The following SERPINB4 variants were observed in gnomAD, a reference collection of about 807,000 sequenced individuals.
SERPINB4 encodes the protein serpin B4.
A neutral mutation model predicts 33.2 loss-of-function variants in SERPINB4; 39 were observed. The observed-to-expected ratio is 1.18, with a 90% CI of 0.91 to 1.53. The LOEUF (loss-of-function observed/expected upper bound fraction) is 1.53, where lower values mean the gene tolerates loss of function less well. Ranked by LOEUF, SERPINB4 falls within the 40% of genes most tolerant of loss-of-function variation. The pLI is 0.00. For synonymous variants in SERPINB4, 191 were observed against 166.4 expected (o/e 1.15, Z -1.14); for missense variants, 564 against 455.4 (o/e 1.24, Z -2.17).
chr18:63,639,490 CTAAA>C (rs1174784542), intron 6 of SERPINB4, 140 bp downstream of exon 6: 2 of 1,031,108 alleles, frequency 1.9e-6, no homozygotes, highest in Non-Finnish European at 2.8e-6. Flanking sequence ...GTATTCCTAA[CTAAA>C]TAAAGTTATA....
intron 1 of SERPINB4, among the ~76,000 whole-genome samples, 187 bp from the exon 2 acceptor site, chr18:63,643,790 A>G (rs58471262): frequency 0.05 from 7,677 of 152,202 alleles, 645 homozygotes; most frequent in African/African-American, 0.17. Flanking sequence ...TCCTAATTAG[A>G]AGGCTTACAA....
intron 3 of SERPINB4, among the ~76,000 whole-genome samples, chr18:63,642,135 C>G (rs778184411): frequency 6.6e-6 from 1 of 152,058 alleles, no homozygotes; most frequent in Non-Finnish European, 1.5e-5. Flanking sequence ...AAAGATGCAG[C>G]GCTGTCTACC....
At chr18:63,642,875 T>C in intron 3 of SERPINB4, 1 of 397,312 alleles carries the variant, frequency 2.5e-6, no homozygotes, top group Non-Finnish European at 4.5e-6. Context: ...CGAGCAGTTG[T>C]GTCCTGCTCT....
rs754805923 is a variant in SERPINB4 at position 63,641,889 on chromosome 18, C to A, written c.223-1G>T. 5.0e-6 allele frequency: 8 copies of A among 1,612,586 alleles called. No homozygotes were observed. The African/African-American group carries it at 1.1e-4, about 22-fold the overall frequency. On this transcript the variant is annotated splice_acceptor_variant, in intron 3 of 7. Transcript: ENST00000341074. LOFTEE classifies it high-confidence loss of function. ...GATGAACATTTCCTGACCTATCAAC[C>A]TTCAAACATCAAAAAGGGAGATCAT...
chr18:63,637,894 A>T lies in SERPINB4; in HGVS notation c.998T>A (p.Phe333Tyr), dbSNP rs768662446. The T allele has an allele frequency of 3.7e-6, 6 of 1,613,490 alleles. No homozygotes were observed. The highest frequency in any genetic ancestry group is 1.7e-5 in the Admixed American group (1 of 59,854). The change falls in exon 8 of 8, where the codon TTT becomes TAT. Residue 333 changes from phenylalanine (F) to tyrosine (Y), a missense_variant. Phe to Tyr is a conservative substitution (Grantham distance 22, BLOSUM62 3). Coordinates refer to ENST00000341074, the MANE Select transcript of SERPINB4 (RefSeq NM_002974.4). ...CACTCCCTCCTCAGTGACCTCCACA[A>T]AGGCCTTGTGTAGGACTTTAGATAC... ...LSVSKVLHKAFVEVTEEGVEA... is the reference protein window; with the variant it reads ...LSVSKVLHKAYVEVTEEGVEA...
rs1158590468 is a variant in SERPINB4 at position 63,637,753 on chromosome 18, C to T, written c.1139G>A (p.Ser380Asn). 6.2e-7 allele frequency: 1 copy of T among 1,612,104 alleles called. No individual in the cohort carries two copies. Among genetic ancestry groups the T allele is most frequent in the Non-Finnish European group, 8.5e-7 (1 of 1,179,028 alleles). ...TGAGAATCTGCCATAGAAGAGGATGCTGTTGGTCTTATTTTGCCTTATGAA... is the reference window on the plus strand; with the variant it reads ...TGAGAATCTGCCATAGAAGAGGATGTTGTTGGTCTTATTTTGCCTTATGAA... Reference protein sequence around the residue: ...LFFIRQNKTNSILFYGRFSSP With the variant: ...LFFIRQNKTNNILFYGRFSSP Residue 380 changes from serine (S) to asparagine (N), a missense_variant, in exon 8 of 8, where the codon AGC becomes AAC. By Grantham distance (46) the Ser-to-Asn change is conservative (BLOSUM62 1). Coordinates refer to ENST00000341074, the MANE Select transcript of SERPINB4 (RefSeq NM_002974.4).
intron 3 of SERPINB4, among the ~76,000 whole-genome samples, chr18:63,642,106 A>G (rs1003708743): frequency 2.0e-5 from 3 of 152,032 alleles, no homozygotes; most frequent in African/African-American, 7.2e-5. Context: ...ACGTACTGCA[A>G]TCTTTTCTCT....
intron 5 of SERPINB4, 101 bp downstream of exon 5, chr18:63,640,773 C>G (rs1222244049): frequency 1.8e-5 from 18 of 989,076 alleles, no homozygotes; most frequent in East Asian, 1.7e-4. Flanking sequence ...TCCCTGCAAA[C>G]CCATCTCAAT....
rs1348078281 is a variant in SERPINB4, at chr18:63,639,728, G to A, written c.518C>T (p.Thr173Ile). Residue 173 changes from threonine (T) to isoleucine (I), a missense_variant, in exon 6 of 8, where the codon ACA becomes ATA. Coordinates refer to ENST00000341074, the MANE Select transcript of SERPINB4 (RefSeq NM_002974.4). The part of the protein sequence containing the change: ...FPDGTIGNDT[T>I]LVLVNAIYFK... ...ATAGATTGCGTTCACAAGAACCAGT[G>A]TCGTATCATTGCCAATAGTCCCATC... is the stretch of plus-strand genomic sequence containing the variant. 2 of 1,611,430 alleles carry A rather than the reference G, an allele frequency of 1.2e-6. No individual in the cohort carries two copies. The highest frequency in any genetic ancestry group is 1.3e-5 in the African/African-American group (1 of 74,786).
rs1454011932 is a variant in SERPINB4 at position 63,639,651 on chromosome 18, T to C, written c.595A>G (p.Lys199Glu). Reference sequence around the variant, plus strand: ...GACAATACCTTGTTTGGCCAAAATTTTTCCTCTTTAGTGTTTTCTTTTTTA... The same window carrying C: ...GACAATACCTTGTTTGGCCAAAATTCTTCCTCTTTAGTGTTTTCTTTTTTA... ...KFKKENTKEEKFWPNKNTYKS... is the reference protein window; with the variant it reads ...KFKKENTKEEEFWPNKNTYKS... The change falls in exon 6 of 8, where the codon AAA becomes GAA. Residue 199 changes from lysine to glutamate, a missense_variant. Physicochemically the swap from Lys to Glu is moderately conservative, Grantham distance 56. Coordinates refer to ENST00000341074, the MANE Select transcript of SERPINB4 (RefSeq NM_002974.4). 3 of 1,605,600 alleles carry C rather than the reference T, an allele frequency of 1.9e-6. No individual in the cohort carries two copies. The highest frequency in any genetic ancestry group is 2.6e-6 in the Non-Finnish European group (3 of 1,173,360).
intron 3 of SERPINB4, among the ~76,000 whole-genome samples, chr18:63,642,174 G>T (rs1302900674): frequency 6.6e-6 from 1 of 152,056 alleles, no homozygotes; most frequent in East Asian, 1.9e-4. Flanking sequence ...TGGTTTAAAG[G>T]GTTAGGTTTA....
At chr18:63,640,228 C>T (rs891515886) in intron 5 of SERPINB4, among the ~76,000 whole-genome samples, 1 of 151,880 alleles carries the variant, frequency 6.6e-6, no homozygotes, top group Non-Finnish European at 1.5e-5. Flanking sequence ...TAATATGAAA[C>T]GCATGTCCTG....
chr18:63,643,156 C>T lies in SERPINB4; in HGVS notation c.222+5G>A, dbSNP rs774849033. The T allele has an allele frequency of 6.2e-7, 1 of 1,613,238 alleles. No individual in the cohort carries two copies. Among genetic ancestry groups the T allele is most frequent in the Non-Finnish European group, 8.5e-7 (1 of 1,179,496 alleles). On this transcript the variant is annotated splice_donor_5th_base_variant and intron_variant, in intron 3 of 7. Coordinates refer to ENST00000341074, the MANE Select transcript of SERPINB4 (RefSeq NM_002974.4). ...AAAGCTGAACCATAGTGCTCTGTGA[C>T]TCACATGATATGTTGCAGCTTTTTC...
chr18:63,639,190 G>A lies in SERPINB4; in HGVS notation c.763C>T (p.Gln255Ter), dbSNP rs750515767. 1.9e-6 allele frequency: 3 copies of A among 1,607,364 alleles called. No homozygotes were observed. Among genetic ancestry groups the A allele is most frequent in the Non-Finnish European group, 2.6e-6 (3 of 1,176,040 alleles). The change falls in exon 7 of 8, where the codon CAG becomes TAG. Residue 255 changes from glutamine (Q) to a stop codon, truncating the protein, a stop_gained. Transcript: ENST00000341074. LOFTEE classifies it low-confidence loss of function (END_TRUNC). ...TTGTAGATGCAAGTTCTTACCTTCT[G>A]CAGACCATCGATTTCATTTGGCAGC... ...VLLPNEIDGLQKLEEKLTAEK... is the reference protein window; with the variant it reads ...VLLPNEIDGL
chr18:63,638,161 G>C, intron 7 of SERPINB4, 38 bp from the exon 8 acceptor site: 1 of 1,591,804 alleles, frequency 6.3e-7, no homozygotes. Flanking sequence ...ATGACTAACT[G>C]TCGATCTCTA....
intron 3 of SERPINB4, 22 bp from the exon 4 acceptor site, chr18:63,641,910 A>G (rs376332947): frequency 5.4e-5 from 87 of 1,611,354 alleles, no homozygotes; most frequent in Non-Finnish European, 7.2e-5. Context: ...AAAAAGGGAG[A>G]TCATTCAATT....
In SERPINB4 at chr18:63,637,577, T is replaced by C. The variant is rs1157735160; in HGVS notation, c.*142A>G. ...AGAGAAAGGCATGCTATTTTAATCATTAAATTCTTGATGATGACTATCATC... is the reference window on the plus strand; with the variant it reads ...AGAGAAAGGCATGCTATTTTAATCACTAAATTCTTGATGATGACTATCATC... On this transcript the variant is annotated 3_prime_UTR_variant, in exon 8 of 8. Coordinates refer to ENST00000341074, the MANE Select transcript of SERPINB4 (RefSeq NM_002974.4). 3 of 823,982 alleles carry C rather than the reference T, an allele frequency of 3.6e-6. No homozygotes were observed. The African/African-American group carries it at 5.2e-5, about 14-fold the overall frequency. 51.0% of individuals were successfully genotyped at this position (823,982 alleles called of 1,614,324 possible). A position where few individuals can be genotyped will look rare whatever the true frequency, so the allele number is the denominator to read the frequency against.
At chr18:63,638,886 C>T (rs1293900666) in intron 7 of SERPINB4, among the ~76,000 whole-genome samples, 1 of 151,310 alleles carries the variant, frequency 6.6e-6, no homozygotes, top group African/African-American at 2.4e-5. Context: ...GGGTGCAGCA[C>T]ACCAGCATGG....
chr18:63,643,307 C>A, intron 2 of SERPINB4, 90 bp from the exon 3 acceptor site: 2 of 1,606,882 alleles, frequency 1.2e-6, no homozygotes, highest in Non-Finnish European at 1.7e-6. Context: ...TCCTGCACAG[C>A]CCCCTGTGCT....
Sources: gnomAD v4.1 joint callset for allele counts (sites outside exome capture counted in the v4.1 genomes callset) on GRCh38, gnomAD v4.1.1 for gene constraint, MANE v1.5 for transcripts, NCBI Gene and HGNC (gene_info 2026-07-23, HGNC 2026-07-21) for gene names.